The following TNR variants were observed in gnomAD, a reference collection of about 807,000 sequenced individuals.
TNR encodes the protein tenascin-R.
Under a neutral mutation model 150.4 loss-of-function variants are expected in TNR, and 45 were observed. That is an observed-to-expected ratio of 0.30 (90% confidence interval 0.24 to 0.38). The LOEUF is 0.38. Among genes scored for constraint, TNR ranks in the 10% least tolerant of loss-of-function variants. TNR has a pLI of 1.00. For synonymous variants in TNR, 687 were observed against 678.4 expected (o/e 1.01, Z -0.20); for missense variants, 1,544 against 1,759.1 (o/e 0.88, Z 2.19).
intron 2 of TNR, among the ~76,000 whole-genome samples, chr1:175,479,019 T>G (rs1175121962): frequency 6.6e-6 from 1 of 152,214 alleles, no homozygotes; most frequent in Non-Finnish European, 1.5e-5. Flanking sequence ...TTACCTTATT[T>G]CATCTTTACA....
intron 1 of TNR, among the ~76,000 whole-genome samples, chr1:175,558,629 C>T (rs528338833): frequency 2.6e-5 from 4 of 152,218 alleles, no homozygotes; most frequent in East Asian, 3.9e-4. Context: ...TCTGATACAC[C>T]GTTATTGATC....
intron 2 of TNR, among the ~76,000 whole-genome samples, chr1:175,485,032 C>T (rs1657952665): frequency 6.6e-6 from 1 of 152,158 alleles, no homozygotes; most frequent in African/African-American, 2.4e-5. Flanking sequence ...GAGTTAAGTG[C>T]TTTTTATTAA....
chr1:175,393,600 G>A (rs3752517), intron 6 of TNR, among the ~76,000 whole-genome samples, 180 bp downstream of exon 6: 102,698 of 152,072 alleles, frequency 0.68, 34,947 homozygotes, highest in East Asian at 0.83. Flanking sequence ...TCAGCAGGTC[G>A]TTACCACATA....
intron 1 of TNR, among the ~76,000 whole-genome samples, chr1:175,610,914 A>G (rs1663573775): frequency 6.6e-6 from 1 of 152,178 alleles, no homozygotes; most frequent in South Asian, 2.1e-4. Context: ...CTATGCATTC[A>G]TGCCACAGTA....
At chr1:175,678,784 T>C in intron 1 of TNR, among the ~76,000 whole-genome samples, 1 of 152,162 alleles carries the variant, frequency 6.6e-6, no homozygotes, top group East Asian at 1.9e-4. Context: ...GGCATAGTGG[T>C]CAGGGAGGAG....
chr1:175,483,198 C>T (rs898501467), intron 2 of TNR, among the ~76,000 whole-genome samples: 2 of 152,162 alleles, frequency 1.3e-5, no homozygotes, highest in Admixed American at 6.5e-5. Flanking sequence ...ACAGTCTAGT[C>T]AAGAGATGGT....
intron 2 of TNR, among the ~76,000 whole-genome samples, chr1:175,461,702 T>G (rs1656825788): frequency 6.6e-6 from 1 of 152,234 alleles, no homozygotes; most frequent in Admixed American, 6.5e-5. Context: ...TCTGTCAATT[T>G]CCAGTTTTCT....
chr1:175,335,567 G>A, intron 20 of TNR, 144 bp downstream of exon 20: 1 of 733,282 alleles, frequency 1.4e-6, no homozygotes, highest in East Asian at 2.5e-5. Flanking sequence ...GCTAAACAGA[G>A]CAAGAGGTTC....
intron 2 of TNR, among the ~76,000 whole-genome samples, chr1:175,413,842 C>G (rs922404039): frequency 6.6e-6 from 1 of 152,052 alleles, no homozygotes; most frequent in Non-Finnish European, 1.5e-5. Context: ...TTATAAAAGA[C>G]GTAGAGAGAG....
intron 1 of TNR, among the ~76,000 whole-genome samples, chr1:175,726,039 G>A (rs771297834): frequency 1.3e-5 from 2 of 152,298 alleles, no homozygotes; most frequent in Middle Eastern, 6.8e-3. Context: ...GCCACCCTGA[G>A]GTTTCCAGCA....
chr1:175,700,170 T>C (rs554475595), intron 1 of TNR, among the ~76,000 whole-genome samples: 1 of 151,216 alleles, frequency 6.6e-6, no homozygotes, highest in African/African-American at 2.4e-5. Flanking sequence ...AGGCTGTCAG[T>C]GAGTCCTCTA....
intron 1 of TNR, among the ~76,000 whole-genome samples, chr1:175,538,444 A>C (rs1660378027): frequency 6.6e-6 from 1 of 152,218 alleles, no homozygotes; most frequent in Admixed American, 6.5e-5. Context: ...ATTGTGGGTT[A>C]ATACAAAGTA....
chr1:175,609,471 G>A (rs1010081691), intron 1 of TNR, among the ~76,000 whole-genome samples: 2 of 152,142 alleles, frequency 1.3e-5, no homozygotes, highest in African/African-American at 4.8e-5. Flanking sequence ...TTGGGAGATC[G>A]ATCTTTCTGA....
At chr1:175,574,438 T>C (rs1662019883) in intron 1 of TNR, among the ~76,000 whole-genome samples, 1 of 152,086 alleles carries the variant, frequency 6.6e-6, no homozygotes, top group Non-Finnish European at 1.5e-5. Context: ...AGTCAAAGAA[T>C]CACACCATTT....
chr1:175,641,873 C>A (rs533502362), intron 1 of TNR, among the ~76,000 whole-genome samples: 1 of 152,120 alleles, frequency 6.6e-6, no homozygotes. Flanking sequence ...TCTATCAGTA[C>A]AGGAAGAAAA....
chr1:175,578,489 T>C (rs1662210906), intron 1 of TNR, among the ~76,000 whole-genome samples: 1 of 151,702 alleles, frequency 6.6e-6, no homozygotes, highest in African/African-American at 2.4e-5. Flanking sequence ...TGCAAATAGC[T>C]CAGTGGATAG....
In TNR at chr1:175,641,540, C is replaced by A. The variant is rs151286057; in HGVS notation, c.-165+101686G>T. On this transcript the variant is annotated intron_variant, in intron 1 of 22. Transcript: ENST00000367674. ...GAAGGTACAATGGGATGGAATGGCT[C>A]ATGGGGCAAAGAGTTTTTACCCTAT... Among the ~76,000 whole-genome samples, 413 of 152,252 alleles carry A rather than the reference C, an allele frequency of 2.7e-3. 3 individuals are homozygous for A. The highest frequency in any genetic ancestry group is 9.4e-3 in the African/African-American group (390 of 41,570).
intron 1 of TNR, among the ~76,000 whole-genome samples, chr1:175,597,770 C>T (rs1663066968): frequency 6.6e-6 from 1 of 152,212 alleles, no homozygotes; most frequent in African/African-American, 2.4e-5. Context: ...CACCTCCAAG[C>T]ATTTGGCCAG....
chr1:175,386,451 C>T, intron 7 of TNR, 150 bp from the exon 8 acceptor site: 1 of 899,590 alleles, frequency 1.1e-6, no homozygotes, highest in East Asian at 2.9e-5. Flanking sequence ...AAATGAGACA[C>T]AGTAAGATGA....
Sources: gnomAD v4.1 joint callset for allele counts (sites outside exome capture counted in the v4.1 genomes callset) on GRCh38, gnomAD v4.1.1 for gene constraint, MANE v1.5 for transcripts, NCBI Gene and HGNC (gene_info 2026-07-23, HGNC 2026-07-21) for gene names.